Variants in SASH1 observed in about 807,000 individuals in gnomAD.
SASH1 encodes the protein SAM and SH3 domain containing 1.
SASH1 carries 44 observed loss-of-function variants against 125.2 expected under a neutral mutation model. That is an observed-to-expected ratio of 0.35 (90% confidence interval 0.28 to 0.45). The LOEUF (loss-of-function observed/expected upper bound fraction) is 0.45, where lower values mean the gene tolerates loss of function less well. Among genes scored for constraint, SASH1 ranks in the 20% least tolerant of loss-of-function variants. The probability of loss-of-function intolerance (pLI) is 1.00; values close to 1 mark genes in which losing one functional copy is unlikely to be tolerated. For missense variants in SASH1, 1,426 were observed against 1,614.5 expected, an observed-to-expected ratio of 0.88 and a Z score of 2.00; for synonymous variants, 639 against 649.1, an observed-to-expected ratio of 0.98 and a Z score of 0.24.
At position 148,343,233 on chromosome 6, in the gene SASH1, C is replaced by T. The variant is rs763432900; in HGVS notation, c.156+10C>T. ...CGTGATGGGTATCCTGGTAAGTTAC[C>T]TGGGGAGGGGGCGGCGCAGGAAGTA... On this transcript the variant is annotated intron_variant, in intron 1 of 19. Coordinates refer to ENST00000367467, the MANE Select transcript of SASH1 (RefSeq NM_015278.5). The T allele has an allele frequency of 1.3e-6, 2 of 1,583,360 alleles. No individual in the cohort carries two copies. Among genetic ancestry groups the T allele is most frequent in the South Asian group, 1.1e-5 (1 of 89,498 alleles).
At position 148,538,820 on chromosome 6, in the gene SASH1, A is replaced by C. The variant is rs370429519; in HGVS notation, c.2096-1623A>C. Among the ~76,000 whole-genome samples, 12 of 152,150 alleles carry C rather than the reference A, an allele frequency of 7.9e-5. No individual in the cohort carries two copies. In the East Asian group the frequency reaches 2.1e-3, roughly 27 times the overall value. ...GTTGGAGTGGGGAAGTTGGTGGGGG[A>C]TGAAAAGAAAGGAAAATAAAGCCAT... On this transcript the variant is annotated intron_variant, in intron 16 of 19. Transcript: ENST00000367467.
At chr6:148,362,179 G>T (rs984603380) in intron 1 of SASH1, among the ~76,000 whole-genome samples, 1 of 151,016 alleles carries the variant, frequency 6.6e-6, no homozygotes, top group Non-Finnish European at 1.5e-5. Context: ...CGCCCACCTT[G>T]GCCTCCCAAA....
At chr6:148,373,475 A>G (rs1782774579) in intron 1 of SASH1, among the ~76,000 whole-genome samples, 1 of 152,098 alleles carries the variant, frequency 6.6e-6, no homozygotes, top group Non-Finnish European at 1.5e-5. Context: ...AGGGGTGTAT[A>G]GTTGTGAGGA....
intron 1 of SASH1, among the ~76,000 whole-genome samples, chr6:148,387,112 CTTTTCTTTTT>C (rs1260833225): frequency 7.8e-6 from 1 of 128,806 alleles, no homozygotes; most frequent in Non-Finnish European, 1.6e-5. Flanking sequence ...TCCTTTCTTT[CTTTTCTTTTT>C]TTTTTTTTTT....
At chr6:148,440,149 G>A (rs1776482828) in intron 2 of SASH1, 35 bp from the exon 3 acceptor site, 4 of 1,607,986 alleles carry the variant, frequency 2.5e-6, no homozygotes, top group Non-Finnish European at 3.4e-6. Flanking sequence ...GACATGTTTG[G>A]AAGTCCCGTT....
chr6:148,369,945 T>A (rs776246461), intron 1 of SASH1, among the ~76,000 whole-genome samples: 2 of 118,338 alleles, frequency 1.7e-5, no homozygotes, highest in South Asian at 2.8e-4. Context: ...CACAGCGAGA[T>A]TGTCTCAAAA....
chr6:148,262,793 G>A, the SASH1 span, among the ~76,000 whole-genome samples: 1 of 152,210 alleles, frequency 6.6e-6, no homozygotes, highest in African/African-American at 2.4e-5. Context: ...TGAGACAGGA[G>A]AATCGCTTGA....
the SASH1 span, chr6:148,237,499 A>G: frequency 6.6e-6 from 1 of 152,294 alleles, no homozygotes; most frequent in African/African-American, 2.4e-5. Context: ...GGATTTCATT[A>G]TTCCATTTTT....
the SASH1 span, among the ~76,000 whole-genome samples, chr6:148,228,067 G>C: frequency 6.6e-6 from 1 of 152,292 alleles, no homozygotes; most frequent in African/African-American, 2.4e-5. Flanking sequence ...TTTGAAAACT[G>C]TAAGAGGATT....
chr6:148,237,609 C>A, the SASH1 span: 1 of 152,130 alleles, frequency 6.6e-6, no homozygotes, highest in Non-Finnish European at 1.5e-5. Context: ...CCACATTCAT[C>A]AGGGAGCTAG....
chr6:148,237,645 G>A, the SASH1 span: 10 of 152,250 alleles, frequency 6.6e-5, no homozygotes, highest in African/African-American at 2.4e-4. Context: ...GCCATGCAAA[G>A]ACACATCAGT....
At chr6:148,416,395 G>A (rs1784818780) in intron 2 of SASH1, among the ~76,000 whole-genome samples, 1 of 152,068 alleles carries the variant, frequency 6.6e-6, no homozygotes, top group African/African-American at 2.4e-5. Context: ...ATTTTCAGTG[G>A]AAGAGTAATG....
At chr6:148,210,404 A>G in the SASH1 span, among the ~76,000 whole-genome samples, 1 of 152,204 alleles carries the variant, frequency 6.6e-6, no homozygotes, top group Non-Finnish European at 1.5e-5. Flanking sequence ...ATGGTGGCAC[A>G]TGCCTATAAT....
chr6:148,434,403 C>A (rs1186251121), intron 2 of SASH1, among the ~76,000 whole-genome samples: 1 of 152,062 alleles, frequency 6.6e-6, no homozygotes, highest in Non-Finnish European at 1.5e-5. Context: ...GCTAATCTTT[C>A]ATCTTTAGAA....
At chr6:148,469,466 C>T (rs1339593602) in intron 5 of SASH1, among the ~76,000 whole-genome samples, 4 of 152,200 alleles carry the variant, frequency 2.6e-5, no homozygotes, top group East Asian at 1.9e-4. Flanking sequence ...TGTGCAGTGG[C>T]TCACTTCTCT....
intron 4 of SASH1, among the ~76,000 whole-genome samples, chr6:148,461,598 C>T (rs937736437): frequency 2.6e-5 from 4 of 152,128 alleles, no homozygotes; most frequent in Non-Finnish European, 5.9e-5. Context: ...GAATCTTACA[C>T]CAAATCAACA....
At chr6:148,441,743 T>C (rs865855192) in intron 4 of SASH1, among the ~76,000 whole-genome samples, 1 of 152,342 alleles carries the variant, frequency 6.6e-6, no homozygotes, top group Middle Eastern at 3.4e-3. Context: ...TAAGAGGAAG[T>C]GACTCACCAA....
chr6:148,416,303 C>G (rs4373377), intron 2 of SASH1, among the ~76,000 whole-genome samples: 5 of 133,186 alleles, frequency 3.8e-5, no homozygotes, highest in Non-Finnish European at 8.5e-5. Context: ...AAGGTTGTTT[C>G]TTTTTTTCTT....
intron 2 of SASH1, among the ~76,000 whole-genome samples, chr6:148,425,481 A>T (rs1012277463): frequency 6.6e-6 from 1 of 152,222 alleles, no homozygotes; most frequent in African/African-American, 2.4e-5. Flanking sequence ...AACCAACAAG[A>T]ACATCAAGAG....
Sources: gnomAD v4.1 joint callset for allele counts (sites outside exome capture counted in the v4.1 genomes callset) on GRCh38, gnomAD v4.1.1 for gene constraint, MANE v1.5 for transcripts, NCBI Gene and HGNC (gene_info 2026-07-23, HGNC 2026-07-21) for gene names.